Variants in AXIN1 observed in about 807,000 individuals in gnomAD.
AXIN1 encodes the protein axin 1, also known as axin-1.
In AXIN1, 30 loss-of-function variants were observed where a neutral mutation model predicts 76.4. That is an observed-to-expected ratio of 0.39 (90% CI 0.29 to 0.53). The LOEUF is 0.53. Ranked by LOEUF, AXIN1 falls within the 20% of genes least tolerant of loss-of-function variation. The probability of loss-of-function intolerance (pLI) is 0.66; values close to 1 mark genes in which losing one functional copy is unlikely to be tolerated. For synonymous variants in AXIN1, 545 were observed against 501.4 expected, an observed-to-expected ratio of 1.09 and a Z score of -1.16; for missense variants, 1,140 against 1,198.8, an observed-to-expected ratio of 0.95 and a Z score of 0.72.
rs896856325 is a variant in AXIN1 at position 343,755 on chromosome 16, C to G, written c.878+2393G>C. Among the ~76,000 whole-genome samples the G allele has an allele frequency of 4.7e-5, 7 of 149,708 alleles. No homozygotes were observed. The East Asian group carries it at 1.4e-3, about 30-fold the overall frequency. On this transcript the variant is annotated intron_variant, in intron 2 of 10. Coordinates refer to ENST00000262320, the MANE Select transcript of AXIN1 (RefSeq NM_003502.4). ...CCAGCCAGGTGCAGTGGCTCCCACC[C>G]GTAATCCCAGCACTTTGGGAGGCTG...
chr16:351,742 C>CA (rs1166479672), intron 1 of AXIN1, among the ~76,000 whole-genome samples: 1 of 141,184 alleles, frequency 7.1e-6, no homozygotes, highest in African/African-American at 2.6e-5. Context: ...CCCATCTCTA[C>CA]AAAAAATATA....
intron 2 of AXIN1, among the ~76,000 whole-genome samples, chr16:341,863 C>G (rs1163103730): frequency 6.6e-6 from 1 of 152,254 alleles, no homozygotes. Context: ...CACTCTGTAT[C>G]TAGCTACTCT....
intron 3 of AXIN1, among the ~76,000 whole-genome samples, chr16:311,354 C>T (rs1279250816): frequency 6.6e-6 from 1 of 152,108 alleles, no homozygotes; most frequent in Non-Finnish European, 1.5e-5. Flanking sequence ...TTTATGAACC[C>T]TTTAGAAGAT....
At chr16:305,811 TG>T in intron 4 of AXIN1, among the ~76,000 whole-genome samples, 1 of 152,174 alleles carries the variant, frequency 6.6e-6, no homozygotes, top group Non-Finnish European at 1.5e-5. Context: ...CCCAAAGTGC[TG>T]GGATTACAGG....
In AXIN1 at chr16:349,155, C is replaced by G. The variant is rs182002933; in HGVS notation, c.-81-2049G>C. On this transcript the variant is annotated intron_variant, in intron 1 of 10. Coordinates refer to ENST00000262320, the MANE Select transcript of AXIN1 (RefSeq NM_003502.4). ...AAAATTAGTAAATAAATAAGAAGCA[C>G]CCATAGATGGAGGATGGTTTGCAAC... Among the ~76,000 whole-genome samples the G allele has an allele frequency of 1.6e-3, 239 of 152,056 alleles. 1 individual carries two copies. Among genetic ancestry groups the G allele is most frequent in the African/African-American group, 5.4e-3 (223 of 41,506 alleles).
intron 2 of AXIN1, among the ~76,000 whole-genome samples, chr16:340,944 C>T (rs74000531): frequency 0.082 from 12,558 of 152,298 alleles, 578 homozygotes; most frequent in Non-Finnish European, 0.1. Flanking sequence ...ATGCCTGTGG[C>T]CGTGCTGGAC....
At chr16:322,364 C>T (rs2053478347) in intron 2 of AXIN1, among the ~76,000 whole-genome samples, 1 of 152,216 alleles carries the variant, frequency 6.6e-6, no homozygotes, top group Non-Finnish European at 1.5e-5. Context: ...TCCCCTCAAC[C>T]CATCACCCTG....
intron 7 of AXIN1, among the ~76,000 whole-genome samples, chr16:295,727 C>T (rs1054797575): frequency 2.0e-5 from 3 of 151,182 alleles, no homozygotes; most frequent in Admixed American, 1.3e-4. Flanking sequence ...TCCAGGAGGC[C>T]GAGGCAGGCG....
chr16:331,629 C>G (rs1041373766), intron 2 of AXIN1, among the ~76,000 whole-genome samples: 3 of 152,176 alleles, frequency 2.0e-5, no homozygotes, highest in Admixed American at 6.6e-5. Flanking sequence ...CAGCAGTAAG[C>G]GGACGCATAA....
chr16:329,468 T>C (rs889012627), intron 2 of AXIN1, among the ~76,000 whole-genome samples: 3 of 152,048 alleles, frequency 2.0e-5, no homozygotes, highest in Non-Finnish European at 2.9e-5. Flanking sequence ...TTTTTGGATA[T>C]GGCATCTTTC....
chr16:291,251 C>A lies in AXIN1; in HGVS notation c.2233G>T (p.Ala745Ser). 6.3e-7 allele frequency: 1 copy of A among 1,586,094 alleles called. No individual in the cohort carries two copies. Among genetic ancestry groups the A allele is most frequent in the Non-Finnish European group, 8.6e-7 (1 of 1,167,276 alleles). The change falls in exon 9 of 11, where the codon GCG becomes TCG. Residue 745 changes from alanine (A) to serine (S), a missense_variant. Around this residue, in one of 3 missense-constraint regions of AXIN1, gnomAD observed 429 missense variants for 405.8 expected, o/e 1.06. Coordinates refer to ENST00000262320, the MANE Select transcript of AXIN1 (RefSeq NM_003502.4). ...ACCACGTGCAGCACCGGCGCGCACG[C>A]TGGCCTGACGCAGGCGCGTCCCCGC... ...MRRGRACVRP[A>S]CAPVLHVVPA...
intron 2 of AXIN1, among the ~76,000 whole-genome samples, chr16:337,653 C>T (rs980754812): frequency 6.6e-6 from 1 of 152,230 alleles, no homozygotes; most frequent in Non-Finnish European, 1.5e-5. Context: ...GCCACCTGGC[C>T]ACCTAGCCAG....
intron 2 of AXIN1, among the ~76,000 whole-genome samples, chr16:343,361 C>T (rs554241823): frequency 6.6e-6 from 1 of 152,320 alleles, no homozygotes; most frequent in South Asian, 2.1e-4. Context: ...GAACGGAGCT[C>T]ATTTTCCTCC....
At chr16:322,208 G>A (rs751169432) in intron 2 of AXIN1, among the ~76,000 whole-genome samples, 21 of 152,332 alleles carry the variant, frequency 1.4e-4, no homozygotes, top group Middle Eastern at 6.8e-3. Context: ...AGGGCAGGGT[G>A]GCTGCAAACA....
At chr16:339,277 G>A (rs766503652) in intron 2 of AXIN1, among the ~76,000 whole-genome samples, 3 of 150,638 alleles carry the variant, frequency 2.0e-5, no homozygotes, top group Non-Finnish European at 4.4e-5. Flanking sequence ...GCTGAGGTAG[G>A]CGGATCACAA....
intron 2 of AXIN1, among the ~76,000 whole-genome samples, chr16:326,957 G>A (rs552059568): frequency 1.5e-3 from 226 of 151,436 alleles, no homozygotes; most frequent in African/African-American, 4.0e-3. Flanking sequence ...TGGCTAACAC[G>A]GTGAAACCCC....
At chr16:336,621 A>T (rs900651085) in intron 2 of AXIN1, among the ~76,000 whole-genome samples, 1 of 152,154 alleles carries the variant, frequency 6.6e-6, no homozygotes, top group Non-Finnish European at 1.5e-5. Flanking sequence ...GTCCAAGACC[A>T]GTCTGGCCAA....
intron 2 of AXIN1, among the ~76,000 whole-genome samples, chr16:339,330 C>T (rs1168586764): frequency 6.7e-5 from 10 of 149,574 alleles, no homozygotes; most frequent in African/African-American, 2.5e-4. Context: ...GGTGAAACCC[C>T]GTCTCTACTA....
At chr16:305,704 C>T (rs918633759) in intron 4 of AXIN1, among the ~76,000 whole-genome samples, 5 of 152,026 alleles carry the variant, frequency 3.3e-5, no homozygotes, top group South Asian at 2.1e-4. Context: ...CCACCATGCC[C>T]GGCTAATTTT....
Sources: gnomAD v4.1 joint callset for allele counts (sites outside exome capture counted in the v4.1 genomes callset) on GRCh38, gnomAD v4.1.1 for gene constraint, gnomAD v4.1.1 regional missense constraint, MANE v1.5 for transcripts, NCBI Gene and HGNC (gene_info 2026-07-23, HGNC 2026-07-21) for gene names.